ST6GALNAC5: variants seen among roughly 807,000 people sequenced by gnomAD.
ST6GALNAC5 encodes ST6 N-acetylgalactosaminide alpha-2,6-sialyltransferase 5, also known as alpha-N-acetylgalactosaminide alpha-2,6-sialyltransferase 5.
ST6GALNAC5 carries 27 observed loss-of-function variants against 33.6 expected under a neutral mutation model. The observed-to-expected ratio is 0.80, with a 90% confidence interval of 0.59 to 1.11. The LOEUF is 1.11. ST6GALNAC5 is among the 50% of genes least tolerant of loss of function. ST6GALNAC5 has a pLI of 0.00. For synonymous variants in ST6GALNAC5, 194 were observed against 171.2 expected (o/e 1.13, Z -1.04); for missense variants, 428 against 454.0 (o/e 0.94, Z 0.52).
At chr1:77,046,102 G>A (rs758582593) in intron 3 of ST6GALNAC5, among the ~76,000 whole-genome samples, 3 of 152,168 alleles carry the variant, frequency 2.0e-5, no homozygotes, top group Non-Finnish European at 4.4e-5. Context: ...AACTGTTACT[G>A]AGTCAATTGC....
intron 2 of ST6GALNAC5, among the ~76,000 whole-genome samples, chr1:76,941,220 G>C (rs1309175890): frequency 6.6e-6 from 1 of 152,162 alleles, no homozygotes; most frequent in East Asian, 1.9e-4. Context: ...TAAATACACA[G>C]TGTTTTGCTT....
intron 2 of ST6GALNAC5, among the ~76,000 whole-genome samples, chr1:76,904,605 A>G (rs1323648261): frequency 6.6e-6 from 1 of 152,174 alleles, no homozygotes; most frequent in Non-Finnish European, 1.5e-5. Context: ...CGAGTGGATC[A>G]CTTGAGGTCA....
At chr1:77,052,456 A>C (rs1171757169) in intron 4 of ST6GALNAC5, among the ~76,000 whole-genome samples, 1 of 152,190 alleles carries the variant, frequency 6.6e-6, no homozygotes, top group East Asian at 1.9e-4. Flanking sequence ...GAAGACGAAC[A>C]AGCAGGTCAT....
At chr1:76,949,175 T>C (rs929477623) in intron 2 of ST6GALNAC5, among the ~76,000 whole-genome samples, 1 of 152,154 alleles carries the variant, frequency 6.6e-6, no homozygotes, top group African/African-American at 2.4e-5. Context: ...TCTAGAGTAA[T>C]CACATCCAAG....
chr1:76,891,855 G>A (rs2100249925), intron 2 of ST6GALNAC5, among the ~76,000 whole-genome samples: 1 of 152,158 alleles, frequency 6.6e-6, no homozygotes, highest in South Asian at 2.1e-4. Context: ...CTATTCAATT[G>A]TCTTGGCATT....
chr1:76,980,427 A>G (rs1649202425), intron 2 of ST6GALNAC5, among the ~76,000 whole-genome samples: 1 of 152,186 alleles, frequency 6.6e-6, no homozygotes, highest in Non-Finnish European at 1.5e-5. Flanking sequence ...GTGGGTGGTT[A>G]ATTTCTATGA....
At chr1:76,884,160 G>A (rs1267203695) in intron 2 of ST6GALNAC5, among the ~76,000 whole-genome samples, 1 of 152,140 alleles carries the variant, frequency 6.6e-6, no homozygotes, top group African/African-American at 2.4e-5. Flanking sequence ...TCAGGTTTCT[G>A]CCTGCCTTAA....
chr1:76,976,107 A>G (rs1649000489), intron 2 of ST6GALNAC5, among the ~76,000 whole-genome samples: 1 of 152,220 alleles, frequency 6.6e-6, no homozygotes, highest in Non-Finnish European at 1.5e-5. Flanking sequence ...AAAATAAAAA[A>G]TTAAAATAAA....
intron 2 of ST6GALNAC5, among the ~76,000 whole-genome samples, chr1:76,973,689 A>T (rs1055148215): frequency 2.6e-5 from 4 of 152,098 alleles, no homozygotes; most frequent in African/African-American, 7.2e-5. Context: ...CCAAAGTTAT[A>T]AAAAAATCCC....
Position 76,945,597 on chromosome 1 carries a change from G to T in ST6GALNAC5, c.261+76855G>T, listed in dbSNP as rs545215586. On this transcript the variant is annotated intron_variant, in intron 2 of 4. Transcript: ENST00000477717. ...CTAATATTTGTCATCTTTTTAATTTGTAGAGGATATTTAATTTACTCTTTT... is the reference window on the plus strand; with the variant it reads ...CTAATATTTGTCATCTTTTTAATTTTTAGAGGATATTTAATTTACTCTTTT... 2.5e-3 allele frequency among the ~76,000 whole-genome samples: 373 copies of T among 152,124 alleles called. 4 individuals carry two copies. Among genetic ancestry groups the T allele is most frequent in the South Asian group, 5.4e-3 (26 of 4,816 alleles).
At chr1:76,926,175 A>G (rs1038056818) in intron 2 of ST6GALNAC5, among the ~76,000 whole-genome samples, 1 of 152,206 alleles carries the variant, frequency 6.6e-6, no homozygotes, top group African/African-American at 2.4e-5. Flanking sequence ...GTAATACAAA[A>G]TTTATAAAGT....
At chr1:77,004,428 TG>T (rs199673927) in intron 2 of ST6GALNAC5, among the ~76,000 whole-genome samples, 25,585 of 143,786 alleles carry the variant, frequency 0.18, 1,992 homozygotes, top group Middle Eastern at 0.26. Flanking sequence ...TCTTTGCCTT[TG>T]GTTTGAATGT....
chr1:76,973,247 T>C (rs1648835509), intron 2 of ST6GALNAC5, among the ~76,000 whole-genome samples: 1 of 151,866 alleles, frequency 6.6e-6, no homozygotes, highest in Admixed American at 6.6e-5. Flanking sequence ...TATAATTATA[T>C]AAAGAAACTT....
intron 2 of ST6GALNAC5, among the ~76,000 whole-genome samples, chr1:76,943,558 T>C (rs566975475): frequency 1.4e-4 from 21 of 152,164 alleles, no homozygotes; most frequent in Admixed American, 3.3e-4. Flanking sequence ...GAGTCCCTGA[T>C]CACAGAGCAC....
intron 2 of ST6GALNAC5, among the ~76,000 whole-genome samples, chr1:76,946,417 G>A (rs1647519535): frequency 6.6e-6 from 1 of 152,116 alleles, no homozygotes; most frequent in African/African-American, 2.4e-5. Context: ...AAAGAACTGG[G>A]GAGGTCTGAT....
At chr1:76,973,884 CT>C (rs1241067245) in intron 2 of ST6GALNAC5, among the ~76,000 whole-genome samples, 1 of 137,006 alleles carries the variant, frequency 7.3e-6, no homozygotes, top group East Asian at 2.0e-4. Context: ...ATTTAGATAT[CT>C]TTCCAAGTTT....
intron 2 of ST6GALNAC5, among the ~76,000 whole-genome samples, chr1:77,042,554 G>A (rs147565299): frequency 5.4e-4 from 82 of 152,246 alleles, no homozygotes; most frequent in Non-Finnish European, 8.8e-4. Flanking sequence ...TGCTGATATC[G>A]TGAGTACTTA....
At chr1:76,945,375 A>C (rs913970990) in intron 2 of ST6GALNAC5, among the ~76,000 whole-genome samples, 2 of 152,114 alleles carry the variant, frequency 1.3e-5, no homozygotes, top group Non-Finnish European at 2.9e-5. Context: ...TAAAACAAAC[A>C]AACAGACAAA....
intron 2 of ST6GALNAC5, among the ~76,000 whole-genome samples, chr1:76,904,043 G>A (rs185478496): frequency 6.6e-6 from 1 of 152,280 alleles, no homozygotes; most frequent in African/African-American, 2.4e-5. Context: ...AATTCACATA[G>A]CTGTGAATTT....
Sources: allele counts gnomAD v4.1 joint callset (sites outside exome capture counted in the v4.1 genomes callset), GRCh38; gene constraint gnomAD v4.1.1; transcripts MANE v1.5; gene names NCBI Gene and HGNC (gene_info 2026-07-23, HGNC 2026-07-21).